The following FRYL variants were observed in gnomAD, a reference collection of about 807,000 sequenced individuals.
The protein encoded by FRYL is FRY like transcription coactivator.
In FRYL, 150 loss-of-function variants were observed where a neutral mutation model predicts 351.2. That is an observed-to-expected ratio of 0.43 (90% CI 0.37 to 0.49). FRYL has a LOEUF of 0.49. FRYL is among the 20% of genes least tolerant of loss of function. The pLI is 0.00. For missense variants in FRYL, 3,036 were observed against 3,619.3 expected (o/e 0.84, Z 4.13); for synonymous variants, 1,153 against 1,257.1 (o/e 0.92, Z 1.75).
intron 2 of FRYL, among the ~76,000 whole-genome samples, chr4:48,693,777 T>C (rs1439105155): frequency 1.3e-5 from 2 of 152,202 alleles, no homozygotes; most frequent in Admixed American, 6.5e-5. Context: ...CAGCATACCA[T>C]GCTGATTCTC....
intron 13 of FRYL, among the ~76,000 whole-genome samples, chr4:48,599,107 C>T (rs1247957091): frequency 6.6e-6 from 1 of 152,050 alleles, no homozygotes; most frequent in African/African-American, 2.4e-5. Flanking sequence ...GTTTTAACTA[C>T]CTAATTTTTC....
At chr4:48,711,446 G>A (rs543090269) in intron 1 of FRYL, among the ~76,000 whole-genome samples, 241 of 152,372 alleles carry the variant, frequency 1.6e-3, no homozygotes, top group South Asian at 2.5e-3. Flanking sequence ...CTACGACCAC[G>A]GAGTCTCACT....
chr4:48,766,198 T>C (rs1235389070), intron 1 of FRYL, among the ~76,000 whole-genome samples: 4 of 152,206 alleles, frequency 2.6e-5, no homozygotes, highest in African/African-American at 9.6e-5. Flanking sequence ...ACTGTGGCGT[T>C]ATTCACAATA....
intron 33 of FRYL, among the ~76,000 whole-genome samples, 196 bp from the exon 34 acceptor site, chr4:48,557,908 C>T (rs144566263): frequency 6.6e-6 from 1 of 152,278 alleles, no homozygotes; most frequent in Non-Finnish European, 1.5e-5. Context: ...AAATCACATA[C>T]ATTTTATACA....
At chr4:48,602,403 ACT>A (rs1745895706) in intron 12 of FRYL, among the ~76,000 whole-genome samples, 1 of 152,148 alleles carries the variant, frequency 6.6e-6, no homozygotes, top group Non-Finnish European at 1.5e-5. Context: ...TGTGGTTATG[ACT>A]AGTCCCTGGG....
At chr4:48,653,946 T>C (rs1758255461) in intron 3 of FRYL, 5 of 1,198,122 alleles carry the variant, frequency 4.2e-6, no homozygotes, top group South Asian at 1.5e-5. Flanking sequence ...TTCATTACCA[T>C]GCAGTCTTGC....
At chr4:48,539,855 C>G (rs990097879) in intron 47 of FRYL, 116 bp downstream of exon 47, 4 of 717,514 alleles carry the variant, frequency 5.6e-6, no homozygotes, top group Non-Finnish European at 8.9e-6. Context: ...AATTTAAATG[C>G]AAAATTCATA....
At chr4:48,607,278 A>T (rs1490492206) in intron 9 of FRYL, among the ~76,000 whole-genome samples, 1 of 152,172 alleles carries the variant, frequency 6.6e-6, no homozygotes, top group Admixed American at 6.5e-5. Context: ...TTACTTGGGG[A>T]AGCCAGTTCC....
In FRYL at chr4:48,572,506, G is replaced by T. The variant is rs180933366; in HGVS notation, c.2904+680C>A. On this transcript the variant is annotated intron_variant, in intron 26 of 63. Transcript: ENST00000358350. The stretch of plus-strand genomic sequence containing the variant: ...CCTAGAATACCTTTTTCCCTTGTTT[G>T]TCCACTGAGGAACGTGCTTCAAAAT... Among the ~76,000 whole-genome samples the T allele has an allele frequency of 1.2e-4, 18 of 152,182 alleles. No individual in the cohort carries two copies. In the East Asian group the frequency reaches 3.1e-3, roughly 26 times the overall value.
chr4:48,710,761 AT>A, intron 1 of FRYL, 63 bp from the exon 2 acceptor site: 1 of 395,230 alleles, frequency 2.5e-6, no homozygotes, highest in Non-Finnish European at 4.5e-6. Flanking sequence ...ACATGTTAAC[AT>A]TTTAGCAGCT....
intron 1 of FRYL, among the ~76,000 whole-genome samples, chr4:48,732,696 T>C (rs932470461): frequency 6.7e-6 from 1 of 149,762 alleles, no homozygotes; most frequent in African/African-American, 2.5e-5. Flanking sequence ...AAACATCACA[T>C]GTTCTCACTC....
At chr4:48,527,165 C>T (rs1726441811) in intron 53 of FRYL, among the ~76,000 whole-genome samples, 2 of 152,014 alleles carry the variant, frequency 1.3e-5, no homozygotes, top group South Asian at 4.1e-4. Context: ...TAAATTTTTA[C>T]CATTTGGCTG....
At chr4:48,626,362 T>C (rs1482776921) in intron 4 of FRYL, among the ~76,000 whole-genome samples, 1 of 152,118 alleles carries the variant, frequency 6.6e-6, no homozygotes, top group Non-Finnish European at 1.5e-5. Context: ...ATTATCTGAA[T>C]GTAAAAATTA....
chr4:48,734,572 A>G (rs1366217873), intron 1 of FRYL, among the ~76,000 whole-genome samples: 1 of 152,250 alleles, frequency 6.6e-6, no homozygotes, highest in Non-Finnish European at 1.5e-5. Context: ...TAACATCTAT[A>G]GACTAATTCA....
chr4:48,619,039 T>C, intron 7 of FRYL: 1 of 371,316 alleles, frequency 2.7e-6, no homozygotes, highest in Non-Finnish European at 4.8e-6. Flanking sequence ...TCAGCTCCAT[T>C]TTGCTAACAA....
At chr4:48,771,165 A>G (rs1775468985) in intron 1 of FRYL, among the ~76,000 whole-genome samples, 4 of 152,228 alleles carry the variant, frequency 2.6e-5, no homozygotes, top group Non-Finnish European at 5.9e-5. Context: ...GAAAAAATGC[A>G]TGACAAACTG....
chr4:48,505,676 T>A, intron 59 of FRYL, 61 bp from the exon 60 acceptor site: 1 of 1,018,690 alleles, frequency 9.8e-7, no homozygotes, highest in Admixed American at 2.0e-5. Flanking sequence ...TAACAGCCTG[T>A]CCATATACAA....
intron 60 of FRYL, among the ~76,000 whole-genome samples, chr4:48,503,490 T>C (rs549714416): frequency 1.3e-5 from 2 of 152,314 alleles, no homozygotes; most frequent in South Asian, 2.1e-4. Context: ...CCGACTAGGT[T>C]TGAATCAACA....
chr4:48,540,592 T>C lies in FRYL; in HGVS notation c.6056A>G (p.Tyr2019Cys). The change falls in exon 46 of 64, where the codon TAC (tyrosine) becomes TGC (cysteine). Residue 2019 changes from tyrosine (Y) to cysteine (C), a missense_variant. Physicochemically the swap from Tyr to Cys is radical, Grantham distance 194 (BLOSUM62 -2). This residue lies in a region of FRYL where 1,987 missense variants were observed against 2,311.7 expected (regional missense o/e 0.86). Coordinates refer to ENST00000358350, the MANE Select transcript of FRYL (RefSeq NM_015030.2). ...SLLESDYEYE[Y>C]LLALRLLNKL... Reference sequence around the variant, plus strand: ...GTTGAGAAGCCTGAGAGCCAGGAGGTATTCATATTCATAATCTGATTCTAA... The same window carrying C: ...GTTGAGAAGCCTGAGAGCCAGGAGGCATTCATATTCATAATCTGATTCTAA... The C allele has an allele frequency of 1.2e-6, 2 of 1,613,974 alleles. No homozygotes were observed. The highest frequency in any genetic ancestry group is 1.1e-5 in the South Asian group (1 of 91,072).
Sources: gnomAD v4.1 joint callset for allele counts (sites outside exome capture counted in the v4.1 genomes callset) on GRCh38, gnomAD v4.1.1 for gene constraint, gnomAD v4.1.1 regional missense constraint, MANE v1.5 for transcripts, NCBI Gene and HGNC (gene_info 2026-07-23, HGNC 2026-07-21) for gene names.